FMN1: variants seen among roughly 807,000 people sequenced by gnomAD.
The protein encoded by FMN1 is formin-1.
In FMN1, 110 loss-of-function variants were observed where a neutral mutation model predicts 132.4. The ratio of observed to expected loss-of-function variants is 0.83; its 90% CI spans 0.71 to 0.97. FMN1 has a LOEUF of 0.97. FMN1 is among the 50% of genes least tolerant of loss of function. The pLI, the probability that FMN1 is intolerant of heterozygous loss-of-function variation, is 0.00. For synonymous variants in FMN1, 722 were observed against 651.7 expected (o/e 1.11, Z -1.64); for missense variants, 1,792 against 1,705.3 (o/e 1.05, Z -0.90).
At chr15:32,862,917 CT>C (rs2059306574) in intron 16 of FMN1, among the ~76,000 whole-genome samples, 4 of 152,216 alleles carry the variant, frequency 2.6e-5, no homozygotes, top group Admixed American at 1.3e-4. Flanking sequence ...TTCCACAGTC[CT>C]GCGCCAGTTC....
intron 16 of FMN1, among the ~76,000 whole-genome samples, chr15:32,872,467 A>G (rs1272022934): frequency 2.0e-5 from 3 of 152,236 alleles, no homozygotes; most frequent in Non-Finnish European, 4.4e-5. Flanking sequence ...TCTAATCAGG[A>G]AAATAGTACT....
At chr15:32,786,027 G>A (rs1406966308) in intron 19 of FMN1, among the ~76,000 whole-genome samples, 1 of 152,162 alleles carries the variant, frequency 6.6e-6, no homozygotes, top group East Asian at 1.9e-4. Context: ...TATGCTCTGT[G>A]TGCCAACAGG....
intron 17 of FMN1, among the ~76,000 whole-genome samples, chr15:32,837,598 T>C (rs1185379046): frequency 1.3e-5 from 2 of 152,088 alleles, no homozygotes; most frequent in Non-Finnish European, 2.9e-5. Flanking sequence ...GGAATGCCCA[T>C]GAAGTAGAGA....
At chr15:33,112,035 G>A (rs1022237474) in intron 4 of FMN1, among the ~76,000 whole-genome samples, 1 of 152,040 alleles carries the variant, frequency 6.6e-6, no homozygotes, top group Non-Finnish European at 1.5e-5. Context: ...TTTTTGGAAA[G>A]AACTGTAGTG....
At chr15:32,833,744 A>G (rs2058559309) in intron 17 of FMN1, among the ~76,000 whole-genome samples, 1 of 152,224 alleles carries the variant, frequency 6.6e-6, no homozygotes, top group African/African-American at 2.4e-5. Context: ...TGAAAATACC[A>G]GAGATGAACC....
Position 32,926,080 on chromosome 15 carries a change from G to A in FMN1, c.3226+94C>T, listed in dbSNP as rs550467404. 50 of 713,428 alleles carry A rather than the reference G, an allele frequency of 7.0e-5. No individual in the cohort carries two copies. In the Middle Eastern group the frequency reaches 1.1e-3, roughly 16 times the overall value. The allele number at this position is 713,428 out of a possible 1,614,324, so 44.2% of individuals were successfully genotyped here. Reference sequence around the variant, plus strand: ...GTATTGGGTATATAGGATTCATTAGGGCATTCTAACTTTGTATGTGTTTGA... The same window carrying A: ...GTATTGGGTATATAGGATTCATTAGAGCATTCTAACTTTGTATGTGTTTGA... On this transcript the variant is annotated intron_variant, in intron 10 of 20. Transcript: ENST00000616417.
At chr15:33,086,394 G>A (rs552645167) in intron 5 of FMN1, among the ~76,000 whole-genome samples, 15 of 150,590 alleles carry the variant, frequency 1.0e-4, no homozygotes, top group African/African-American at 3.7e-4. Context: ...TTGTACAGTC[G>A]TCTCAGCTGC....
At chr15:32,820,390 T>A (rs890655590) in intron 17 of FMN1, among the ~76,000 whole-genome samples, 37 of 152,290 alleles carry the variant, frequency 2.4e-4, no homozygotes, top group African/African-American at 8.2e-4. Flanking sequence ...ACTTCCACTC[T>A]TAAATATTTT....
intron 4 of FMN1, among the ~76,000 whole-genome samples, chr15:33,113,095 G>T (rs958362990): frequency 6.6e-6 from 1 of 152,154 alleles, no homozygotes; most frequent in Non-Finnish European, 1.5e-5. Context: ...ACACCCCCAA[G>T]GCATATCTAC....
chr15:32,791,443 TCTTTC>T (rs1322657775), intron 19 of FMN1, among the ~76,000 whole-genome samples: 1 of 152,154 alleles, frequency 6.6e-6, no homozygotes, highest in East Asian at 1.9e-4. Context: ...TGGCTAATTA[TCTTTC>T]CTTTATTTCA....
chr15:33,062,018 T>G (rs1245077842), intron 6 of FMN1, among the ~76,000 whole-genome samples: 2 of 152,116 alleles, frequency 1.3e-5, no homozygotes, highest in Non-Finnish European at 2.9e-5. Context: ...CAGATTTGAT[T>G]ATGTAAATAT....
At chr15:32,778,809 C>T (rs1267067614) in intron 19 of FMN1, among the ~76,000 whole-genome samples, 2 of 152,018 alleles carry the variant, frequency 1.3e-5, no homozygotes, top group Admixed American at 6.6e-5. Flanking sequence ...CTGCTAGGTA[C>T]ATAAATATAT....
intron 6 of FMN1, among the ~76,000 whole-genome samples, chr15:33,060,734 T>C (rs1245055852): frequency 6.6e-6 from 1 of 152,198 alleles, no homozygotes; most frequent in Non-Finnish European, 1.5e-5. Context: ...GAAAAGCTTT[T>C]CCAGATGCAC....
chr15:33,025,322 C>A (rs916157308), intron 6 of FMN1, among the ~76,000 whole-genome samples: 8 of 152,074 alleles, frequency 5.3e-5, no homozygotes, highest in African/African-American at 1.9e-4. Flanking sequence ...CTGACACAAT[C>A]AACAATCTTG....
chr15:32,888,259 GC>G lies in FMN1; in HGVS notation c.3747del (p.Leu1249PhefsTer19). 6.2e-7 allele frequency: 1 copy of G among 1,612,478 alleles called. No individual in the cohort carries two copies. Among genetic ancestry groups the G allele is most frequent in the Non-Finnish European group, 8.5e-7 (1 of 1,179,200 alleles). On this transcript the variant is annotated frameshift_variant, in exon 16 of 21. Transcript: ENST00000616417. LOFTEE classifies it high-confidence loss of function. ...EAGTEKSVFPLPEPQDFFLAS... is the reference protein window; with the variant it reads ...EAGTEKSVFPXPEPQDFFLAS... ...GCCAGAAAGAAATCCTGTGGTTCCG[GC>G]AAGGGGAAAACACTCTTTTCTGTTC...
chr15:33,085,686 A>G (rs2038662476), intron 5 of FMN1, among the ~76,000 whole-genome samples: 1 of 151,906 alleles, frequency 6.6e-6, no homozygotes, highest in Non-Finnish European at 1.5e-5. Flanking sequence ...AAATACTTAT[A>G]GAAAAGAATC....
At chr15:33,092,968 A>T (rs1004139358) in intron 4 of FMN1, among the ~76,000 whole-genome samples, 1 of 152,248 alleles carries the variant, frequency 6.6e-6, no homozygotes, top group African/African-American at 2.4e-5. Flanking sequence ...CATTTTATTA[A>T]AAAGTTATTT....
intron 4 of FMN1, among the ~76,000 whole-genome samples, chr15:33,148,306 C>T (rs900469214): frequency 6.6e-6 from 1 of 152,194 alleles, no homozygotes; most frequent in Non-Finnish European, 1.5e-5. Flanking sequence ...TACTCATAGA[C>T]GTCATTCTAC....
intron 17 of FMN1, among the ~76,000 whole-genome samples, chr15:32,828,283 C>G (rs2058419987): frequency 6.6e-6 from 1 of 152,084 alleles, no homozygotes; most frequent in African/African-American, 2.4e-5. Flanking sequence ...CAAAAAGAGA[C>G]AAAGTAATTA....
Sources: gnomAD v4.1 joint callset for allele counts (sites outside exome capture counted in the v4.1 genomes callset) on GRCh38, gnomAD v4.1.1 for gene constraint, MANE v1.5 for transcripts, NCBI Gene and HGNC (gene_info 2026-07-23, HGNC 2026-07-21) for gene names.